The following EP400 variants were observed in gnomAD, a reference collection of about 807,000 sequenced individuals.
EP400 encodes E1A binding protein p400.
Under a neutral mutation model 354.1 loss-of-function variants are expected in EP400, and 105 were observed. That is an observed-to-expected ratio of 0.30 (90% CI 0.25 to 0.35). The LOEUF (loss-of-function observed/expected upper bound fraction) is 0.35, where lower values mean the gene tolerates loss of function less well. Ranked by LOEUF, EP400 falls within the 10% of genes least tolerant of loss-of-function variation. The pLI is 1.00. For synonymous variants in EP400, 1,646 were observed against 1,716.9 expected (o/e 0.96, Z 1.02); for missense variants, 3,280 against 4,121.0 (o/e 0.80, Z 5.59).
At position 132,064,786 on chromosome 12, in the gene EP400, C is replaced by T. The variant is rs754139537; in HGVS notation, c.8453C>T (p.Pro2818Leu). 1.9e-5 allele frequency: 30 copies of T among 1,612,926 alleles called. No individual in the cohort carries two copies. Among genetic ancestry groups the T allele is most frequent in the Admixed American group, 3.3e-5 (2 of 59,986 alleles). The change falls in exon 48 of 53, where the codon CCG becomes CTG. Residue 2818 changes from proline to leucine, a missense_variant. This residue lies in a region of EP400 where 86 missense variants were observed against 66.4 expected (regional missense o/e 1.29). Transcript: ENST00000389561. ...TAQVQVQTSQ[P>L]PQQQSPQLTT... The stretch of plus-strand genomic sequence containing the variant: ...CAAGTGCAAGTGCAGACCTCGCAGC[C>T]GCCGCAGCAGCAGAGCCCCCAGCTC...
At position 131,991,426 on chromosome 12, in the gene EP400, A is replaced by G. The variant is rs768631544; in HGVS notation, c.2649A>G (p.Lys883=). Reference sequence around the variant, plus strand: ...CTCTAGGGAAAGAATTGAGACCTAAAGGATTTGACGCATTACAGGAAAGTT... The same window carrying G: ...CTCTAGGGAAAGAATTGAGACCTAAGGGATTTGACGCATTACAGGAAAGTT... ...VSRRGKELRP[K]GFDALQESSL... The change falls in exon 10 of 53, where the codon AAA becomes AAG. Residue 883 remains lysine (K), a synonymous_variant. Transcript: ENST00000389561. 3.1e-5 allele frequency: 50 copies of G among 1,613,914 alleles called. 1 individual carries two copies. In the South Asian group the frequency reaches 5.3e-4, roughly 17 times the overall value.
At chr12:132,000,812 A>T (rs1477841989) in intron 12 of EP400, among the ~76,000 whole-genome samples, 1 of 152,258 alleles carries the variant, frequency 6.6e-6, no homozygotes, top group Admixed American at 6.5e-5. Context: ...TTGTTTTAAG[A>T]CATTCCCAAT....
intron 48 of EP400, chr12:132,065,369 C>T: frequency 6.2e-6 from 1 of 162,192 alleles, no homozygotes; most frequent in Non-Finnish European, 1.4e-5. Flanking sequence ...GACTGGCTCT[C>T]AGCAGGTGCC....
chr12:132,017,388 A>G lies in EP400; in HGVS notation c.3924-147A>G. 1 of 739,158 alleles carries G rather than the reference A, an allele frequency of 1.4e-6. No individual in the cohort carries two copies. Among genetic ancestry groups the G allele is most frequent in the Non-Finnish European group, 2.2e-6 (1 of 460,298 alleles). 45.8% of individuals were successfully genotyped at this position (739,158 alleles called of 1,614,324 possible). A position where few individuals can be genotyped will look rare whatever the true frequency, so the allele number is the denominator to read the frequency against. On this transcript the variant is annotated intron_variant, in intron 19 of 52. Coordinates refer to ENST00000389561, the MANE Select transcript of EP400 (RefSeq NM_015409.5). This position sits in a 1 kb window ranked among gnomAD's most constrained non-coding sequence, Gnocchi z 5.0. ...GGGGCCTGCCTGGGATGTGGACTTG[A>G]ATGGCCACTCTGTCTAACTCATTAA...
At chr12:132,019,549 A>T (rs1461075720) in intron 21 of EP400, among the ~76,000 whole-genome samples, 1 of 152,108 alleles carries the variant, frequency 6.6e-6, no homozygotes, top group Non-Finnish European at 1.5e-5. Flanking sequence ...CCAAAAAAAA[A>T]AATCAAATCC....
chr12:132,000,405 A>G (rs191165788), intron 12 of EP400, among the ~76,000 whole-genome samples: 319 of 152,354 alleles, frequency 2.1e-3, no homozygotes, highest in African/African-American at 7.4e-3. Context: ...TAAACATTCC[A>G]TACATGCTTT....
Position 132,078,609 on chromosome 12 carries a change from G to C in EP400, c.*936G>C, listed in dbSNP as rs1195423305. 1.3e-5 allele frequency: 2 copies of C among 152,304 alleles called. No individual in the cohort carries two copies. Among genetic ancestry groups the C allele is most frequent in the African/African-American group, 4.8e-5 (2 of 41,478 alleles). 9.4% of individuals were successfully genotyped at this position (152,304 alleles called of 1,614,324 possible). ...CACAGCTGAGGGTACGATGAGGCCT[G>C]GGCTCAGTGAGCCAGGACGAATGTG... On this transcript the variant is annotated 3_prime_UTR_variant, in exon 53 of 53. Transcript: ENST00000389561.
intron 12 of EP400, among the ~76,000 whole-genome samples, chr12:132,000,131 G>T (rs1893359034): frequency 2.7e-5 from 4 of 150,298 alleles, no homozygotes; most frequent in South Asian, 2.1e-4. Context: ...AACATTTAAG[G>T]GTCTGAATTT....
intron 48 of EP400, chr12:132,065,383 G>A (rs542246614): frequency 2.1e-4 from 33 of 159,260 alleles, no homozygotes; most frequent in Admixed American, 5.9e-4. Context: ...AGGTGCCAGC[G>A]TCCCGGGGCA....
chr12:132,080,384 G>A lies in EP400; in HGVS notation c.*2711G>A, dbSNP rs1896342676. The A allele has an allele frequency of 1.3e-5, 2 of 152,624 alleles. No individual in the cohort carries two copies. The highest frequency in any genetic ancestry group is 4.8e-5 in the African/African-American group (2 of 41,436). The allele number at this position is 152,624 out of a possible 1,614,324, so 9.5% of individuals were successfully genotyped here. A position where few individuals can be genotyped will look rare whatever the true frequency, so the allele number is the denominator to read the frequency against. The stretch of plus-strand genomic sequence containing the variant: ...AAATACTTTGTAAACATCAGCATTT[G>A]TACTTGAATAGTAGGATTTTAAAGG... On this transcript the variant is annotated 3_prime_UTR_variant, in exon 53 of 53. Transcript: ENST00000389561.
At position 132,062,206 on chromosome 12, in the gene EP400, A is replaced by G. The variant is rs752991853; in HGVS notation, c.7981A>G (p.Met2661Val). ...PATATPDLVS[M>V]ATTQGVRAVT... ...CACGGCGACCCCTGACCTGGTGTCC[A>G]TGGCAACGACTCAGGGTGTTCGAGC... The change falls in exon 46 of 53, where the codon ATG becomes GTG. Residue 2661 changes from methionine (M) to valine (V), a missense_variant. Met to Val is a conservative substitution (Grantham distance 21). Around this residue, in one of 20 missense-constraint regions of EP400, gnomAD observed 255 missense variants for 295.9 expected, o/e 0.86. Transcript: ENST00000389561. 5 of 1,614,156 alleles carry G rather than the reference A, an allele frequency of 3.1e-6. No homozygotes were observed. The highest frequency in any genetic ancestry group is 4.2e-6 in the Non-Finnish European group (5 of 1,180,004).
chr12:131,964,064 G>A (rs1220692255), intron 2 of EP400, among the ~76,000 whole-genome samples: 1 of 152,210 alleles, frequency 6.6e-6, no homozygotes, highest in Non-Finnish European at 1.5e-5. Flanking sequence ...ATGCTGAAGT[G>A]AAATACACTT....
chr12:131,968,759 G>C (rs775576407), intron 2 of EP400, among the ~76,000 whole-genome samples: 5 of 151,962 alleles, frequency 3.3e-5, no homozygotes, highest in Non-Finnish European at 7.4e-5. Context: ...TCAACATTTT[G>C]TAACTTTCAG....
intron 32 of EP400, among the ~76,000 whole-genome samples, chr12:132,041,976 G>A (rs529101202): frequency 6.5e-5 from 9 of 139,390 alleles, no homozygotes; most frequent in African/African-American, 1.4e-4. Flanking sequence ...TTTTTAAGAC[G>A]GAGTCCCACT....
At chr12:132,003,181 A>G (rs1251958171) in intron 12 of EP400, among the ~76,000 whole-genome samples, 1 of 151,022 alleles carries the variant, frequency 6.6e-6, no homozygotes, top group African/African-American at 2.4e-5. Flanking sequence ...CCCCATCTCT[A>G]AAAGAAATAT....
chr12:132,004,166 G>A (rs1318655589), intron 12 of EP400, among the ~76,000 whole-genome samples: 3 of 152,192 alleles, frequency 2.0e-5, no homozygotes, highest in African/African-American at 7.2e-5. Flanking sequence ...TTGATTTCCA[G>A]AAAAATCCAG....
chr12:132,013,448 G>T lies in EP400; in HGVS notation c.3612-42G>T. Reference sequence around the variant, plus strand: ...AGAAGATGCTGCTGCAGCCAGCCCCGTGGCTGTAGAACTCCAGTGTTGTCT... The same window carrying T: ...AGAAGATGCTGCTGCAGCCAGCCCCTTGGCTGTAGAACTCCAGTGTTGTCT... On this transcript the variant is annotated intron_variant, in intron 17 of 52. Coordinates refer to ENST00000389561, the MANE Select transcript of EP400 (RefSeq NM_015409.5). This position sits in a 1 kb window ranked among gnomAD's most constrained non-coding sequence, Gnocchi z 4.5. 6.6e-7 allele frequency: 1 copy of T among 1,519,734 alleles called. No homozygotes were observed. Among genetic ancestry groups the T allele is most frequent in the East Asian group, 2.3e-5 (1 of 43,900 alleles). 94.1% of individuals were successfully genotyped at this position (1,519,734 alleles called of 1,614,324 possible). A position where few individuals can be genotyped will look rare whatever the true frequency, so the allele number is the denominator to read the frequency against.
intron 22 of EP400, among the ~76,000 whole-genome samples, chr12:132,020,703 C>G (rs943431721): frequency 6.6e-6 from 1 of 152,230 alleles, no homozygotes; most frequent in African/African-American, 2.4e-5. Flanking sequence ...AATAAATGCT[C>G]AGACCTGCAT....
At chr12:132,062,064 G>A (rs1895712641) in intron 45 of EP400, 46 bp from the exon 46 acceptor site, 2 of 1,558,584 alleles carry the variant, frequency 1.3e-6, no homozygotes, top group Non-Finnish European at 1.8e-6. Context: ...ACAGCCCTGA[G>A]TGCTGTGTGA....
Sources: gnomAD v4.1 joint callset for allele counts (sites outside exome capture counted in the v4.1 genomes callset) on GRCh38, gnomAD v4.1.1 for gene constraint, gnomAD v4.1.1 regional missense constraint, Gnocchi (gnomAD v3.1) non-coding constraint, MANE v1.5 for transcripts, NCBI Gene and HGNC (gene_info 2026-07-23, HGNC 2026-07-21) for gene names.